MMS19: variants seen among roughly 807,000 people sequenced by gnomAD.
MMS19 encodes the protein MMS19 cytosolic iron-sulfur assembly component.
Under a neutral mutation model 129.8 loss-of-function variants are expected in MMS19, and 77 were observed. That is an observed-to-expected ratio of 0.59 (90% CI 0.49 to 0.72). The LOEUF (loss-of-function observed/expected upper bound fraction) is 0.72, where lower values mean the gene tolerates loss of function less well. Among genes scored for constraint, MMS19 ranks in the 30% least tolerant of loss-of-function variants. The pLI, the probability that MMS19 is intolerant of heterozygous loss-of-function variation, is 0.00. For missense variants in MMS19, 1,168 were observed against 1,266.3 expected (o/e 0.92, Z 1.18); for synonymous variants, 491 against 502.8 (o/e 0.98, Z 0.31).
At chr10:97,469,775 A>G in intron 10 of MMS19, 52 bp from the exon 11 acceptor site, 2 of 1,517,138 alleles carry the variant, frequency 1.3e-6, no homozygotes, top group African/African-American at 1.4e-5. Context: ...ACACCCTAGG[A>G]TGTGCAGGTA....
rs992851390 is a variant in MMS19, at chr10:97,480,826, T to C, written c.262+116A>G. 5 of 719,928 alleles carry C rather than the reference T, an allele frequency of 6.9e-6. No homozygotes were observed. The Admixed American group carries it at 8.4e-5, about 12-fold the overall frequency. The allele number at this position is 719,928 out of a possible 1,614,324, so 44.6% of individuals were successfully genotyped here. On this transcript the variant is annotated intron_variant, in intron 3 of 30. Transcript: ENST00000438925. Reference sequence around the variant, plus strand: ...CCAGTGAGGAATGAAGACCTTGAATTAGTAGTTCATAGATACTTTAAGCCC... The same window carrying C: ...CCAGTGAGGAATGAAGACCTTGAATCAGTAGTTCATAGATACTTTAAGCCC...
chr10:97,497,719 A>C (rs559322501), intron 1 of MMS19, among the ~76,000 whole-genome samples: 1 of 152,364 alleles, frequency 6.6e-6, no homozygotes, highest in South Asian at 2.1e-4. Flanking sequence ...GAACTTTAGC[A>C]AGAAACGGAG....
At chr10:97,477,280 CCTA>C (rs1473529673) in intron 6 of MMS19, 64 bp downstream of exon 6, 1 of 1,612,544 alleles carries the variant, frequency 6.2e-7, no homozygotes, top group African/African-American at 1.3e-5. Flanking sequence ...TAAAATGAGT[CCTA>C]CTAATAGGGG....
chr10:97,498,638 C>A (rs2040251633), upstream of MMS19: 1 of 501,374 alleles, frequency 2.0e-6, no homozygotes, highest in Non-Finnish European at 3.5e-6. Flanking sequence ...GCCCGGCTCC[C>A]CGGGAGACGG....
Position 97,465,901 on chromosome 10 carries a change from A to G in MMS19, c.1660T>C (p.Cys554Arg). The change falls in exon 18 of 31, where the codon TGC becomes CGC. Residue 554 changes from cysteine to arginine, a missense_variant. This residue lies in a region of MMS19 where 831 missense variants were observed against 910.8 expected (regional missense o/e 0.91). Transcript: ENST00000438925. ...ACAGCTGACAAGGCTTGCAGACAGC[A>G]CAGATGCCGGGAGCATTGGGTGGGC... Reference protein sequence around the residue: ...DEPTQCSRHLCCLQALSAVST... With the variant: ...DEPTQCSRHLRCLQALSAVST... The G allele has an allele frequency of 6.2e-7, 1 of 1,614,014 alleles. No homozygotes were observed. Among genetic ancestry groups the G allele is most frequent in the South Asian group, 1.1e-5 (1 of 91,088 alleles).
At position 97,481,161 on chromosome 10, in the gene MMS19, A is replaced by T. The variant is rs2036728500; in HGVS notation, c.162-119T>A. On this transcript the variant is annotated intron_variant, in intron 2 of 30. Coordinates refer to ENST00000438925, the MANE Select transcript of MMS19 (RefSeq NM_022362.5). ...CATGGAAGCAGAGCCAAGCCCTGTTAAGAGTAAAAACAGCCCAGGAAGGTG... is the reference window on the plus strand; with the variant it reads ...CATGGAAGCAGAGCCAAGCCCTGTTTAGAGTAAAAACAGCCCAGGAAGGTG... 5 of 709,744 alleles carry T rather than the reference A, an allele frequency of 7.0e-6. 1 individual carries two copies. The Admixed American group carries it at 1.1e-4, about 15-fold the overall frequency. The allele number at this position is 709,744 out of a possible 1,614,324, so 44.0% of individuals were successfully genotyped here.
intron 1 of MMS19, among the ~76,000 whole-genome samples, chr10:97,486,597 T>C (rs1470586969): frequency 6.6e-6 from 1 of 152,054 alleles, no homozygotes; most frequent in Non-Finnish European, 1.5e-5. Flanking sequence ...ATGGAGAATC[T>C]AAAAAAGTTT....
At chr10:97,476,256 A>G (rs997685090) in intron 8 of MMS19, among the ~76,000 whole-genome samples, 7 of 152,194 alleles carry the variant, frequency 4.6e-5, no homozygotes, top group Admixed American at 6.5e-5. Context: ...CTCCAGAATC[A>G]TATCTTCTGC....
At chr10:97,472,313 C>A (rs2034889397) in intron 8 of MMS19, among the ~76,000 whole-genome samples, 1 of 152,224 alleles carries the variant, frequency 6.6e-6, no homozygotes, top group African/African-American at 2.4e-5. Context: ...GATCTTGGCT[C>A]ACTGCAGCCT....
At chr10:97,459,002 C>A in intron 29 of MMS19, 102 bp from the exon 30 acceptor site, 1 of 1,213,992 alleles carries the variant, frequency 8.2e-7, no homozygotes. Context: ...AGCAAAACAT[C>A]TTTAGTGATT....
At chr10:97,459,886 A>G (rs1302740188) in intron 26 of MMS19, 145 bp from the exon 27 acceptor site, 5 of 990,802 alleles carry the variant, frequency 5.0e-6, no homozygotes, top group African/African-American at 3.3e-5. Context: ...AGATACGCCC[A>G]TGAAAGGAAG....
Position 97,462,742 on chromosome 10 carries a change from G to A in MMS19, c.1913-60C>T, listed in dbSNP as rs757594419. ...ACCATGACGGGTTCAAGAAATGAATGATTGGGTTCTGTCAGCATCACTGAC... is the reference window on the plus strand; with the variant it reads ...ACCATGACGGGTTCAAGAAATGAATAATTGGGTTCTGTCAGCATCACTGAC... On this transcript the variant is annotated intron_variant, in intron 19 of 30. Transcript: ENST00000438925. 3.6e-5 allele frequency: 48 copies of A among 1,328,188 alleles called. No individual in the cohort carries two copies. The African/African-American group carries it at 6.1e-4, about 17-fold the overall frequency. 82.3% of individuals were successfully genotyped at this position (1,328,188 alleles called of 1,614,324 possible). A position where few individuals can be genotyped will look rare whatever the true frequency, so the allele number is the denominator to read the frequency against.
intron 1 of MMS19, among the ~76,000 whole-genome samples, chr10:97,490,848 G>A (rs935524895): frequency 3.9e-5 from 6 of 152,192 alleles, no homozygotes; most frequent in African/African-American, 1.4e-4. Context: ...ACTTGTGCCA[G>A]GATGTGGAAG....
At chr10:97,484,461 T>C (rs2037453307) in intron 1 of MMS19, among the ~76,000 whole-genome samples, 2 of 152,194 alleles carry the variant, frequency 1.3e-5, no homozygotes, top group Admixed American at 6.5e-5. Flanking sequence ...CAAAATATTA[T>C]GAAATTTAAA....
At chr10:97,461,949 C>T in intron 21 of MMS19, 53 bp from the exon 22 acceptor site, 2 of 1,570,536 alleles carry the variant, frequency 1.3e-6, no homozygotes, top group East Asian at 4.7e-5. Context: ...CTTGTCTGCC[C>T]CTCTACCCAT....
intron 1 of MMS19, among the ~76,000 whole-genome samples, chr10:97,497,047 C>T (rs1429798479): frequency 1.3e-5 from 2 of 152,148 alleles, no homozygotes; most frequent in African/African-American, 2.4e-5. Context: ...AAATTGTAAA[C>T]ACTGATAACA....
intron 2 of MMS19, among the ~76,000 whole-genome samples, chr10:97,482,828 T>C (rs150982163): frequency 1.3e-5 from 2 of 151,696 alleles, no homozygotes; most frequent in African/African-American, 2.4e-5. Flanking sequence ...TGGCGTAATC[T>C]CAGCTCACTG....
chr10:97,495,340 C>T (rs141092068), intron 1 of MMS19, among the ~76,000 whole-genome samples: 1,649 of 152,332 alleles, frequency 0.011, 16 homozygotes, highest in Non-Finnish European at 0.015. Flanking sequence ...TTCTTTACAG[C>T]TGACACTTTC....
intron 18 of MMS19, among the ~76,000 whole-genome samples, chr10:97,464,772 G>C (rs1046480812): frequency 2.7e-5 from 4 of 150,506 alleles, no homozygotes; most frequent in Admixed American, 2.0e-4. Context: ...ATCTCGGCTT[G>C]CTCCAACCTC....
Sources: allele counts gnomAD v4.1 joint callset (sites outside exome capture counted in the v4.1 genomes callset), GRCh38; gene constraint gnomAD v4.1.1; regional missense constraint gnomAD v4.1.1; transcripts MANE v1.5; gene names NCBI Gene and HGNC (gene_info 2026-07-23, HGNC 2026-07-21).